Variants in LIM2 observed in about 807,000 individuals in gnomAD.
LIM2 encodes the protein lens intrinsic membrane protein 2, also known as lens fiber membrane intrinsic protein.
In LIM2, 14 loss-of-function variants were observed where a neutral mutation model predicts 19.0. That is an observed-to-expected ratio of 0.74 (90% confidence interval 0.49 to 1.15). The LOEUF (loss-of-function observed/expected upper bound fraction) is 1.15. LIM2 is among the 50% of genes most tolerant of loss of function. LIM2 has a pLI of 0.00. For synonymous variants in LIM2, 78 were observed against 89.6 expected (o/e 0.87, Z 0.73); for missense variants, 230 against 243.5 (o/e 0.94, Z 0.37).
At chr19:51,384,159 G>T (rs1283264196) in intron 2 of LIM2, among the ~76,000 whole-genome samples, 2 of 152,186 alleles carry the variant, frequency 1.3e-5, no homozygotes, top group Non-Finnish European at 2.9e-5. Flanking sequence ...TGGGTGTGGT[G>T]GCTCCTGCCC....
intron 2 of LIM2, among the ~76,000 whole-genome samples, chr19:51,383,938 C>A (rs920929058): frequency 1.3e-4 from 20 of 152,172 alleles, no homozygotes; most frequent in African/African-American, 4.8e-4. Context: ...AGTCTTCTGC[C>A]TTGTAGAAGC....
intron 2 of LIM2, among the ~76,000 whole-genome samples, chr19:51,383,633 A>C (rs555948816): frequency 2.1e-4 from 32 of 152,340 alleles, no homozygotes; most frequent in African/African-American, 7.7e-4. Flanking sequence ...GCAACGGCTA[A>C]CTATATGCCA....
intron 2 of LIM2, among the ~76,000 whole-genome samples, chr19:51,384,518 G>A (rs1392504510): frequency 6.6e-6 from 1 of 152,224 alleles, no homozygotes; most frequent in East Asian, 1.9e-4. Flanking sequence ...AAAATGCCAT[G>A]TGTGAGGAAG....
Position 51,380,045 on chromosome 19 carries a change from C to T in LIM2, c.*156G>A, listed in dbSNP as rs935485292. The T allele has an allele frequency of 4.2e-6, 3 of 710,550 alleles. No individual in the cohort carries two copies. The Admixed American group carries it at 6.6e-5, about 16-fold the overall frequency. The allele number at this position is 710,550 out of a possible 1,614,324, so 44.0% of individuals were successfully genotyped here. ...GGGCCCTATTCTTCCTCCTTCCAGC[C>T]TAGGACCAGGAGTCAGCCTCCCCCC... On this transcript the variant is annotated 3_prime_UTR_variant, in exon 5 of 5. Coordinates refer to ENST00000596399, the MANE Select transcript of LIM2 (RefSeq NM_001161748.2).
intron 2 of LIM2, among the ~76,000 whole-genome samples, chr19:51,385,388 T>G (rs1205524607): frequency 6.6e-6 from 1 of 151,792 alleles, no homozygotes; most frequent in Non-Finnish European, 1.5e-5. Flanking sequence ...AGGCATGGTT[T>G]TGGGCGCCTG....
Position 51,380,081 on chromosome 19 carries a change from A to C in LIM2, c.*120T>G. ...AGTCAGCCTCCCCCCACAAACCCACAGTCCAGAACTGAGCCCCCTCATTCC... is the reference window on the plus strand; with the variant it reads ...AGTCAGCCTCCCCCCACAAACCCACCGTCCAGAACTGAGCCCCCTCATTCC... On this transcript the variant is annotated 3_prime_UTR_variant, in exon 5 of 5. Transcript: ENST00000596399. 1 of 921,808 alleles carries C rather than the reference A, an allele frequency of 1.1e-6. No homozygotes were observed. The highest frequency in any genetic ancestry group is 1.7e-6 in the Non-Finnish European group (1 of 576,156). The allele number at this position is 921,808 out of a possible 1,614,324, so 57.1% of individuals were successfully genotyped here. A position where few individuals can be genotyped will look rare whatever the true frequency, so the allele number is the denominator to read the frequency against.
At chr19:51,383,432 C>A (rs1009817802) in intron 2 of LIM2, among the ~76,000 whole-genome samples, 36 of 152,158 alleles carry the variant, frequency 2.4e-4, no homozygotes, top group Admixed American at 1.7e-3. Flanking sequence ...CTCAGTAAAT[C>A]CTTAGCTCTC....
intron 2 of LIM2, among the ~76,000 whole-genome samples, chr19:51,384,661 A>G (rs1986984332): frequency 6.6e-6 from 1 of 152,138 alleles, no homozygotes; most frequent in Admixed American, 6.5e-5. Flanking sequence ...TTTTGCCCAC[A>G]TCTTCATCTC....
intron 4 of LIM2, 55 bp from the exon 5 acceptor site, chr19:51,380,317 C>A (rs377020853): frequency 6.2e-6 from 10 of 1,601,166 alleles, no homozygotes; most frequent in Non-Finnish European, 8.6e-6. Context: ...GCTCCATTTC[C>A]ACCCCAAGAG....
Position 51,387,322 on chromosome 19 carries a change from C to T in LIM2, c.122G>A (p.Gly41Asp). 1 of 1,614,164 alleles carries T rather than the reference C, an allele frequency of 6.2e-7. No homozygotes were observed. Among genetic ancestry groups the T allele is most frequent in the Non-Finnish European group, 8.5e-7 (1 of 1,180,038 alleles). Residue 41 changes from glycine to aspartate, a missense_variant, in exon 2 of 5, where the codon GGC (glycine) becomes GAC (aspartate). Transcript: ENST00000596399. ...GTTGCCCAGGCAGTACCGCCACAGGCCCTGGTGGGCGAAGGACCCTGACAG... is the reference window on the plus strand; with the variant it reads ...GTTGCCCAGGCAGTACCGCCACAGGTCCTGGTGGGCGAAGGACCCTGACAG... ...YRLSGSFAHQ[G>D]LWRYCLGNKC...
At chr19:51,380,743 G>A (rs1480120530) in intron 3 of LIM2, 104 bp from the exon 4 acceptor site, 6 of 1,403,578 alleles carry the variant, frequency 4.3e-6, no homozygotes, top group Non-Finnish European at 5.9e-6. Context: ...ATTGGGGAAA[G>A]GGGTGGAAAT....
chr19:51,381,352 A>C (rs1180377500), intron 3 of LIM2, among the ~76,000 whole-genome samples: 4 of 152,060 alleles, frequency 2.6e-5, no homozygotes, highest in African/African-American at 9.7e-5. Flanking sequence ...GAAAGAAAGA[A>C]AGACCGACCA....
At chr19:51,382,186 A>G (rs969701736) in intron 3 of LIM2, among the ~76,000 whole-genome samples, 9 of 152,152 alleles carry the variant, frequency 5.9e-5, no homozygotes, top group Admixed American at 3.3e-4. Flanking sequence ...AGTCAAACAC[A>G]AATTTTAGGT....
chr19:51,386,948 A>C (rs1266660676), intron 2 of LIM2, among the ~76,000 whole-genome samples: 1 of 152,202 alleles, frequency 6.6e-6, no homozygotes, highest in African/African-American at 2.4e-5. Flanking sequence ...ACCAGTACCT[A>C]ACATAGTTCT....
intron 3 of LIM2, 148 bp downstream of exon 3, chr19:51,382,270 T>G: frequency 1.3e-6 from 1 of 782,062 alleles, no homozygotes; most frequent in Non-Finnish European, 2.2e-6. Flanking sequence ...AGTCATGAGG[T>G]TGGTTTTGAG....
rs954534442 is a variant in LIM2, at chr19:51,381,438, C to T, written c.326-799G>A. Among the ~76,000 whole-genome samples, 6 of 152,296 alleles carry T rather than the reference C, an allele frequency of 3.9e-5. No individual in the cohort carries two copies. The East Asian group carries it at 7.7e-4, about 20-fold the overall frequency. Reference sequence around the variant, plus strand: ...GAAACTGCATTCCATCAATGACCAACGATTCAATCAGTCATGCCTATTTTA... The same window carrying T: ...GAAACTGCATTCCATCAATGACCAATGATTCAATCAGTCATGCCTATTTTA... On this transcript the variant is annotated intron_variant, in intron 3 of 4. Coordinates refer to ENST00000596399, the MANE Select transcript of LIM2 (RefSeq NM_001161748.2).
chr19:51,387,123 C>T, intron 2 of LIM2, 146 bp downstream of exon 2: 1 of 1,469,166 alleles, frequency 6.8e-7, no homozygotes, highest in Non-Finnish European at 9.5e-7. Flanking sequence ...CCCAGTTCTG[C>T]CCCCTCCATG....
intron 3 of LIM2, among the ~76,000 whole-genome samples, chr19:51,381,242 C>T (rs902901718): frequency 6.6e-6 from 1 of 151,836 alleles, no homozygotes; most frequent in African/African-American, 2.4e-5. Context: ...CACTTGAACC[C>T]GGGAGGGGAG....
At chr19:51,384,623 C>G (rs1986983223) in intron 2 of LIM2, among the ~76,000 whole-genome samples, 1 of 152,182 alleles carries the variant, frequency 6.6e-6, no homozygotes, top group Non-Finnish European at 1.5e-5. Context: ...GGAACAGATT[C>G]TCCCTCACAG....
Sources: gnomAD v4.1 joint callset for allele counts (sites outside exome capture counted in the v4.1 genomes callset) on GRCh38, gnomAD v4.1.1 for gene constraint, MANE v1.5 for transcripts, NCBI Gene and HGNC (gene_info 2026-07-23, HGNC 2026-07-21) for gene names.